The following RFX2 variants were observed in gnomAD, a reference collection of about 807,000 sequenced individuals.
RFX2 encodes regulatory factor X2.
RFX2 carries 20 observed loss-of-function variants against 87.8 expected under a neutral mutation model. The observed-to-expected ratio is 0.23, with a 90% CI of 0.16 to 0.33. The LOEUF (loss-of-function observed/expected upper bound fraction) is 0.33. RFX2 is among the 10% of genes least tolerant of loss of function. RFX2 has a pLI of 1.00. For missense variants in RFX2, 767 were observed against 1,012.3 expected (o/e 0.76, Z 3.29); for synonymous variants, 397 against 431.3 (o/e 0.92, Z 0.98).
intron 1 of RFX2, among the ~76,000 whole-genome samples, chr19:6,102,608 C>T (rs549043526): frequency 7.4e-4 from 112 of 152,300 alleles, no homozygotes; most frequent in African/African-American, 2.6e-3. Context: ...TTGCTTTGCT[C>T]GCCAGGCATC....
chr19:6,016,661 G>A lies in RFX2; in HGVS notation c.598-390C>T, dbSNP rs1388364840. ...CTGCCTCAGCCTCCCAAAGTGCTGG[G>A]ATTACAGGCGTGAGCCACCGTGCCT... On this transcript the variant is annotated intron_variant, in intron 6 of 17. Coordinates refer to ENST00000303657, the MANE Select transcript of RFX2 (RefSeq NM_000635.4). The surrounding 1 kb of genome is among the most constrained non-coding windows in gnomAD (Gnocchi z 5.4). Among the ~76,000 whole-genome samples the A allele has an allele frequency of 6.6e-6, 1 of 152,190 alleles. No individual in the cohort carries two copies. The highest frequency in any genetic ancestry group is 6.5e-5 in the Admixed American group (1 of 15,282).
At position 6,001,930 on chromosome 19, in the gene RFX2, C is replaced by G; in HGVS notation, c.1744G>C (p.Asp582His). ...CTGTCCAGCCAGCTGGCCCACTGGT[C>G]CAGGGAGCTCTGCTGCTGCAGGGTC... Reference protein sequence around the residue: ...KLTLQQQSSLDQWASWLDSVV... With the variant: ...KLTLQQQSSLHQWASWLDSVV... Residue 582 changes from aspartate (D) to histidine (H), a missense_variant, in exon 15 of 18, where the codon GAC becomes CAC. By Grantham distance (81) the Asp-to-His change is moderately conservative (BLOSUM62 -1). Around this residue, in one of 2 missense-constraint regions of RFX2, gnomAD observed 621 missense variants for 873.0 expected, o/e 0.71. Transcript: ENST00000303657. The surrounding 1 kb of genome is among the most constrained non-coding windows in gnomAD (Gnocchi z 5.6). The G allele has an allele frequency of 6.2e-7, 1 of 1,613,006 alleles. No individual in the cohort carries two copies. Among genetic ancestry groups the G allele is most frequent in the Middle Eastern group, 1.7e-4 (1 of 6,058 alleles).
Position 6,023,685 on chromosome 19 carries a change from G to A in RFX2, c.597+2478C>T, listed in dbSNP as rs1284277697. ...GAATACGAATCTTCATCGGGGAAGC[G>A]ACCTGAGAAAGTCTGCCTTTCGGAT... On this transcript the variant is annotated intron_variant, in intron 6 of 17. Transcript: ENST00000303657. This position sits in a 1 kb window ranked among gnomAD's most constrained non-coding sequence, Gnocchi z 4.9. Among the ~76,000 whole-genome samples the A allele has an allele frequency of 2.6e-5, 4 of 152,142 alleles. No homozygotes were observed. In the South Asian group the frequency reaches 6.2e-4, roughly 24 times the overall value.
At position 6,074,662 on chromosome 19, in the gene RFX2, T is replaced by C. The variant is rs1328231490; in HGVS notation, c.-8-27158A>G. ...GAACAGCAGGAGGTGACAAATGCTC[T>C]GAAGAAAAATACACTCAAATGCACA... On this transcript the variant is annotated intron_variant, in intron 1 of 17. Transcript: ENST00000303657. The surrounding 1 kb of genome is among the most constrained non-coding windows in gnomAD (Gnocchi z 5.2). 6.6e-6 allele frequency among the ~76,000 whole-genome samples: 1 copy of C among 152,202 alleles called. No homozygotes were observed. Among genetic ancestry groups the C allele is most frequent in the Non-Finnish European group, 1.5e-5 (1 of 68,034 alleles).
In RFX2 at chr19:6,011,126, A is replaced by T. The variant is rs1044993442; in HGVS notation, c.900-875T>A. Among the ~76,000 whole-genome samples, 4 of 150,414 alleles carry T rather than the reference A, an allele frequency of 2.7e-5. No homozygotes were observed. The highest frequency in any genetic ancestry group is 1.0e-4 in the African/African-American group (4 of 39,772). On this transcript the variant is annotated intron_variant, in intron 8 of 17. Transcript: ENST00000303657. The surrounding 1 kb of genome is among the most constrained non-coding windows in gnomAD (Gnocchi z 4.8). ...AGCGAAACTCGGTCTCAAAAAAAAT[A>T]AATAAATTAATTAAAATAAAATAAA...
intron 1 of RFX2, among the ~76,000 whole-genome samples, chr19:6,094,904 G>A (rs535377747): frequency 4.7e-4 from 72 of 152,234 alleles, no homozygotes; most frequent in African/African-American, 1.5e-3. Context: ...TGAGGCGGGT[G>A]GATCACGAGG....
In RFX2 at chr19:6,086,339, C is replaced by T. The variant is rs370529513; in HGVS notation, c.-9+24054G>A. Among the ~76,000 whole-genome samples the T allele has an allele frequency of 1.7e-4, 26 of 152,288 alleles. 1 individual carries two copies. The highest frequency in any genetic ancestry group is 5.9e-4 in the Admixed American group (9 of 15,294). ...AGAGTGATACTTACAGAAACCTAGA[C>T]GCTACAACCTACGTAGCACACCTGG... On this transcript the variant is annotated intron_variant, in intron 1 of 17. Transcript: ENST00000303657.
intron 1 of RFX2, among the ~76,000 whole-genome samples, chr19:6,099,231 G>A (rs1035168832): frequency 1.3e-5 from 2 of 152,086 alleles, no homozygotes; most frequent in Non-Finnish European, 2.9e-5. Flanking sequence ...ATAGAATTCG[G>A]GATTTCATAT....
chr19:6,037,376 G>A (rs189706310), intron 5 of RFX2, among the ~76,000 whole-genome samples: 2 of 151,332 alleles, frequency 1.3e-5, no homozygotes, highest in African/African-American at 4.8e-5. Flanking sequence ...TCCTAGAAAT[G>A]AACAGTTGGA....
chr19:6,002,424 A>G lies in RFX2; in HGVS notation c.1650+297T>C, dbSNP rs1402307424. Among the ~76,000 whole-genome samples the G allele has an allele frequency of 6.6e-6, 1 of 152,236 alleles. No homozygotes were observed. Among genetic ancestry groups the G allele is most frequent in the Non-Finnish European group, 1.5e-5 (1 of 68,036 alleles). The stretch of plus-strand genomic sequence containing the variant: ...CAAGCCCAGGGGACAGAGCCAGGAA[A>G]ATGGCCACAGGGAGGTCAACGTGGT... On this transcript the variant is annotated intron_variant, in intron 14 of 17. Transcript: ENST00000303657. The surrounding 1 kb of genome is among the most constrained non-coding windows in gnomAD (Gnocchi z 6.7).
intron 5 of RFX2, among the ~76,000 whole-genome samples, chr19:6,035,191 G>A (rs1220678667): frequency 6.6e-6 from 1 of 152,288 alleles, no homozygotes. Flanking sequence ...GAGGCTGTGT[G>A]TTTTCACAGC....
chr19:6,076,806 G>A (rs1265173869), intron 1 of RFX2, among the ~76,000 whole-genome samples: 1 of 152,214 alleles, frequency 6.6e-6, no homozygotes, highest in Non-Finnish European at 1.5e-5. Context: ...TATTTGTGAT[G>A]TTGCTAAGCC....
chr19:6,035,832 C>T (rs1380486561), intron 5 of RFX2, among the ~76,000 whole-genome samples: 1 of 148,666 alleles, frequency 6.7e-6, no homozygotes, highest in East Asian at 1.9e-4. Flanking sequence ...ATGATGACTC[C>T]CCCAGAGCTT....
At position 6,040,714 on chromosome 19, in the gene RFX2, G is replaced by C. The variant is rs1027992508; in HGVS notation, c.261-473C>G. 2.0e-5 allele frequency among the ~76,000 whole-genome samples: 3 copies of C among 152,164 alleles called. No individual in the cohort carries two copies. Among genetic ancestry groups the C allele is most frequent in the Non-Finnish European group, 4.4e-5 (3 of 68,042 alleles). The stretch of plus-strand genomic sequence containing the variant: ...TTTGAGGTTACAGTGAGCTGTGACT[G>C]CACCATTGCACTTTAGCCTGGGCAA... On this transcript the variant is annotated intron_variant, in intron 4 of 17. Coordinates refer to ENST00000303657, the MANE Select transcript of RFX2 (RefSeq NM_000635.4). The surrounding 1 kb of genome is among the most constrained non-coding windows in gnomAD (Gnocchi z 6.1).
intron 1 of RFX2, among the ~76,000 whole-genome samples, chr19:6,089,041 T>G (rs73549967): frequency 6.6e-6 from 1 of 152,184 alleles, no homozygotes; most frequent in Non-Finnish European, 1.5e-5. Context: ...TCCAACTACT[T>G]AAAAATGTAG....
At chr19:6,086,482 G>A (rs1173532717) in intron 1 of RFX2, among the ~76,000 whole-genome samples, 2 of 152,210 alleles carry the variant, frequency 1.3e-5, no homozygotes, top group African/African-American at 4.8e-5. Flanking sequence ...ACATGGCTAA[G>A]CATAGAAAAG....
Position 6,013,554 on chromosome 19 carries a change from G to C in RFX2, c.780-449C>G, listed in dbSNP as rs1312140945. Among the ~76,000 whole-genome samples the C allele has an allele frequency of 6.7e-6, 1 of 150,034 alleles. No individual in the cohort carries two copies. The highest frequency in any genetic ancestry group is 1.5e-5 in the Non-Finnish European group (1 of 67,762). On this transcript the variant is annotated intron_variant, in intron 7 of 17. Transcript: ENST00000303657. This position sits in a 1 kb window ranked among gnomAD's most constrained non-coding sequence, Gnocchi z 4.1. ...GTCACCCAGGCTGGAGTGCAGTTGT[G>C]CAATCACAGCTCACTATCAGGAGGT...
rs921998674 is a variant in RFX2, at chr19:6,047,516, C to T, written c.-8-12G>A. On this transcript the variant is annotated splice_polypyrimidine_tract_variant and intron_variant, in intron 1 of 17. Transcript: ENST00000303657. The surrounding 1 kb of genome is among the most constrained non-coding windows in gnomAD (Gnocchi z 4.2). ...CTGCATGCTCAGGTCTAAAGAAAGG[C>T]GGAGAGAGATTGGGTGGGCAAGGGC... is the stretch of plus-strand genomic sequence containing the variant. The T allele has an allele frequency of 2.1e-5, 33 of 1,593,554 alleles. No individual in the cohort carries two copies. Among genetic ancestry groups the T allele is most frequent in the African/African-American group, 5.4e-5 (4 of 74,492 alleles).
At chr19:6,091,138 T>A (rs1032444084) in intron 1 of RFX2, among the ~76,000 whole-genome samples, 4 of 152,166 alleles carry the variant, frequency 2.6e-5, no homozygotes, top group African/African-American at 9.7e-5. Context: ...GATGATGGCT[T>A]CACAACACTG....
Sources: gnomAD v4.1 joint callset for allele counts (sites outside exome capture counted in the v4.1 genomes callset) on GRCh38, gnomAD v4.1.1 for gene constraint, gnomAD v4.1.1 regional missense constraint, Gnocchi (gnomAD v3.1) non-coding constraint, MANE v1.5 for transcripts, NCBI Gene and HGNC (gene_info 2026-07-23, HGNC 2026-07-21) for gene names.